The following MAP2K1 variants were observed in gnomAD, a reference collection of about 807,000 sequenced individuals.
MAP2K1 encodes mitogen-activated protein kinase kinase 1, also known as dual specificity mitogen-activated protein kinase kinase 1.
A neutral mutation model predicts 46.3 loss-of-function variants in MAP2K1; 16 were observed. The ratio of observed to expected loss-of-function variants is 0.35; its 90% CI spans 0.23 to 0.52. The LOEUF (loss-of-function observed/expected upper bound fraction) is 0.52, where lower values mean the gene tolerates loss of function less well. Among genes scored for constraint, MAP2K1 ranks in the 20% least tolerant of loss-of-function variants. The probability of loss-of-function intolerance (pLI) is 0.94; values close to 1 mark genes in which losing one functional copy is unlikely to be tolerated. For synonymous variants in MAP2K1, 183 were observed against 185.6 expected, an observed-to-expected ratio of 0.99 and a Z score of 0.11; for missense variants, 263 against 497.1, an observed-to-expected ratio of 0.53 and a Z score of 4.48.
chr15:66,398,034 G>T (rs924562946), intron 1 of MAP2K1, among the ~76,000 whole-genome samples: 4 of 151,926 alleles, frequency 2.6e-5, no homozygotes, highest in Non-Finnish European at 5.9e-5. Flanking sequence ...TCCAGGAGGC[G>T]GAGGTTGCAG....
In MAP2K1 at chr15:66,402,310, C is replaced by T. The variant is rs1393519286; in HGVS notation, c.80+14883C>T. 3.7e-4 allele frequency among the ~76,000 whole-genome samples: 56 copies of T among 152,084 alleles called. 3 individuals are homozygous for T. The highest frequency in any genetic ancestry group is 3.6e-3 in the Admixed American group (55 of 15,270). On this transcript the variant is annotated intron_variant, in intron 1 of 10. Transcript: ENST00000307102. Reference sequence around the variant, plus strand: ...CTTTTTCCCATGTGGAATTAATATGCTCGGTATGAGGTGTATGTCTAAGTT... The same window carrying T: ...CTTTTTCCCATGTGGAATTAATATGTTCGGTATGAGGTGTATGTCTAAGTT...
rs59398424 is a variant in MAP2K1, at chr15:66,449,003, C to CAAAAA, written c.568+4317_568+4321dup. ...CAGGCAACAGTGTGAGACACTGTCT[C>CAAAAA]AAAAAAAAAAAAAAAAAAAAAAAAA... On this transcript the variant is annotated intron_variant, in intron 5 of 10. Transcript: ENST00000307102. Among the ~76,000 whole-genome samples the CAAAAA allele has an allele frequency of 2.7e-3, 129 of 47,718 alleles. 2 individuals are homozygous for CAAAAA. The highest frequency in any genetic ancestry group is 3.1e-3 in the African/African-American group (35 of 11,292). The allele number at this position is 47,718 out of a possible 152,430, so 31.3% of individuals were successfully genotyped here. A position where few individuals can be genotyped will look rare whatever the true frequency, so the allele number is the denominator to read the frequency against.
Position 66,491,442 on chromosome 15 carries a change from T to C in MAP2K1, c.*827T>C, listed in dbSNP as rs1026169607. On this transcript the variant is annotated 3_prime_UTR_variant, in exon 11 of 11. Transcript: ENST00000307102. The stretch of plus-strand genomic sequence containing the variant: ...TAAACAACGTGTATAGTGCCTAAAA[T>C]TGTATGAAAATCCTTTTAACCATTT... 17 of 225,746 alleles carry C rather than the reference T, an allele frequency of 7.5e-5. No individual in the cohort carries two copies. The highest frequency in any genetic ancestry group is 1.4e-3 in the Middle Eastern group (1 of 720). 14.0% of individuals were successfully genotyped at this position (225,746 alleles called of 1,614,324 possible). A position where few individuals can be genotyped will look rare whatever the true frequency, so the allele number is the denominator to read the frequency against.
intron 1 of MAP2K1, among the ~76,000 whole-genome samples, chr15:66,391,413 C>G (rs1450669448): frequency 1.3e-5 from 2 of 152,164 alleles, no homozygotes; most frequent in African/African-American, 4.8e-5. Flanking sequence ...CTCAGCCTCC[C>G]AAGTAGCTGG....
chr15:66,424,601 T>C (rs2093452260), intron 1 of MAP2K1, among the ~76,000 whole-genome samples: 1 of 151,996 alleles, frequency 6.6e-6, no homozygotes, highest in South Asian at 2.1e-4. Context: ...CTGAGTTGCA[T>C]ACATTTATTT....
intron 5 of MAP2K1, among the ~76,000 whole-genome samples, chr15:66,455,722 T>G (rs1892149868): frequency 1.3e-5 from 2 of 152,220 alleles, no homozygotes; most frequent in African/African-American, 2.4e-5. Flanking sequence ...GCAAGCATGT[T>G]CTCACCCTCA....
At position 66,464,682 on chromosome 15, in the gene MAP2K1, T is replaced by C. The variant is rs570674357; in HGVS notation, c.569-17073T>C. On this transcript the variant is annotated intron_variant, in intron 5 of 10. Transcript: ENST00000307102. The stretch of plus-strand genomic sequence containing the variant: ...CTGGGATTACAGGCATGCGCCACCA[T>C]GACCGGCTAATTTTGTATTTTTAGT... Among the ~76,000 whole-genome samples the C allele has an allele frequency of 3.6e-4, 54 of 151,756 alleles. 3 individuals are homozygous for C. The South Asian group carries it at 0.011, about 30-fold the overall frequency.
At chr15:66,486,272 T>G (rs1893036556) in intron 7 of MAP2K1, among the ~76,000 whole-genome samples, 1 of 152,232 alleles carries the variant, frequency 6.6e-6, no homozygotes, top group Admixed American at 6.5e-5. Context: ...AAATTCACAT[T>G]TTAAAGCATG....
At chr15:66,465,864 T>G (rs1406263887) in intron 5 of MAP2K1, among the ~76,000 whole-genome samples, 1 of 152,242 alleles carries the variant, frequency 6.6e-6, no homozygotes, top group Non-Finnish European at 1.5e-5. Flanking sequence ...TCACATAGGC[T>G]TTTAAAATTG....
intron 1 of MAP2K1, among the ~76,000 whole-genome samples, chr15:66,433,077 G>T (rs1402336764): frequency 6.6e-6 from 1 of 150,690 alleles, no homozygotes; most frequent in Admixed American, 6.7e-5. Flanking sequence ...TCAGGTTTTA[G>T]CTGTGGGGTC....
intron 1 of MAP2K1, among the ~76,000 whole-genome samples, chr15:66,433,106 GT>G (rs1385338156): frequency 2.0e-5 from 3 of 152,026 alleles, no homozygotes; most frequent in Non-Finnish European, 4.4e-5. Context: ...TTTGACATGT[GT>G]TTCTAAATGT....
intron 1 of MAP2K1, among the ~76,000 whole-genome samples, chr15:66,398,117 G>A (rs1769210445): frequency 6.7e-6 from 1 of 150,142 alleles, no homozygotes. Flanking sequence ...AAAAAAGTCA[G>A]TATAAGGGTG....
intron 1 of MAP2K1, among the ~76,000 whole-genome samples, chr15:66,390,010 G>A (rs964573211): frequency 1.3e-5 from 2 of 152,168 alleles, no homozygotes; most frequent in African/African-American, 4.8e-5. Flanking sequence ...AAAGCTGTTG[G>A]CTGCTGGTGC....
rs1251895665 is a variant in MAP2K1, at chr15:66,420,761, ATG to A, written c.81-14260_81-14259del. ...TGTGTGTGTGTGTGTGTGTGTGTGT[ATG>A]TGTGTATATATATGTGTATATATAT... On this transcript the variant is annotated intron_variant, in intron 1 of 10. Transcript: ENST00000307102. Among the ~76,000 whole-genome samples, 8 of 15,534 alleles carry A rather than the reference ATG, an allele frequency of 5.1e-4. 1 individual carries two copies. The highest frequency in any genetic ancestry group is 1.9e-3 in the Admixed American group (2 of 1,026). 10.2% of individuals were successfully genotyped at this position (15,534 alleles called of 152,430 possible). A position where few individuals can be genotyped will look rare whatever the true frequency, so the allele number is the denominator to read the frequency against.
chr15:66,419,622 C>A (rs958293539), intron 1 of MAP2K1, among the ~76,000 whole-genome samples: 1 of 152,092 alleles, frequency 6.6e-6, no homozygotes, highest in South Asian at 2.1e-4. Context: ...CAATATGACA[C>A]CCCCTGTCTG....
chr15:66,412,411 A>C (rs2140539113), intron 1 of MAP2K1, among the ~76,000 whole-genome samples: 1 of 152,350 alleles, frequency 6.6e-6, no homozygotes, highest in South Asian at 2.1e-4. Context: ...GGATCTGGAA[A>C]GCTGAACTCA....
At chr15:66,468,902 CTGAGTCTGTGCCACTGCA>C (rs1339154978) in intron 5 of MAP2K1, among the ~76,000 whole-genome samples, 1 of 105,270 alleles carries the variant, frequency 9.5e-6, no homozygotes, top group Non-Finnish European at 2.2e-5. Flanking sequence ...CTGCAGTGAG[CTGAGTCTGTGCCACTGCA>C]CTCCAGCCTG....
At chr15:66,449,299 C>G (rs781736239) in intron 5 of MAP2K1, among the ~76,000 whole-genome samples, 3 of 152,064 alleles carry the variant, frequency 2.0e-5, no homozygotes, top group Non-Finnish European at 4.4e-5. Context: ...AGGAATAAAA[C>G]TATTGATACA....
intron 1 of MAP2K1, 105 bp downstream of exon 1, chr15:66,387,532 G>A: frequency 1.7e-6 from 2 of 1,152,246 alleles, no homozygotes; most frequent in African/African-American, 1.5e-5. Context: ...CGTACGTCTG[G>A]GGCTGGCAGG....
Sources: gnomAD v4.1 joint callset for allele counts (sites outside exome capture counted in the v4.1 genomes callset) on GRCh38, gnomAD v4.1.1 for gene constraint, MANE v1.5 for transcripts, NCBI Gene and HGNC (gene_info 2026-07-23, HGNC 2026-07-21) for gene names.